Variants in TMEM132D observed in about 807,000 individuals in gnomAD.
TMEM132D encodes transmembrane protein 132D.
A neutral mutation model predicts 62.3 loss-of-function variants in TMEM132D; 21 were observed. That is an observed-to-expected ratio of 0.34 (90% CI 0.24 to 0.49). The LOEUF (loss-of-function observed/expected upper bound fraction) is 0.49. TMEM132D is among the 20% of genes least tolerant of loss of function. The probability of loss-of-function intolerance (pLI) is 0.99; values close to 1 mark genes in which losing one functional copy is unlikely to be tolerated. For missense variants in TMEM132D, 1,346 were observed against 1,402.8 expected, an observed-to-expected ratio of 0.96 and a Z score of 0.65; for synonymous variants, 621 against 575.6, an observed-to-expected ratio of 1.08 and a Z score of -1.13.
At chr12:129,311,548 A>C (rs1268862277) in intron 4 of TMEM132D, among the ~76,000 whole-genome samples, 4 of 152,322 alleles carry the variant, frequency 2.6e-5, no homozygotes. Flanking sequence ...AAAAAATTAG[A>C]ATCGAGTGCA....
intron 2 of TMEM132D, among the ~76,000 whole-genome samples, chr12:129,568,124 A>G (rs1877417981): frequency 6.6e-6 from 1 of 152,226 alleles, no homozygotes; most frequent in African/African-American, 2.4e-5. Flanking sequence ...GGTGGCAGGA[A>G]CAGTCTGAGG....
rs146582102 is a variant in TMEM132D, at chr12:129,817,868, ATGTG to A, written c.79+85389_79+85392del. Among the ~76,000 whole-genome samples, 7 of 113,060 alleles carry A rather than the reference ATGTG, an allele frequency of 6.2e-5. No individual in the cohort carries two copies. The East Asian group carries it at 1.8e-3, about 29-fold the overall frequency. The allele number at this position is 113,060 out of a possible 152,430, so 74.2% of individuals were successfully genotyped here. On this transcript the variant is annotated intron_variant, in intron 1 of 8. Transcript: ENST00000422113. ...TGTGTGTGTATGTGGTGTGAGGTGT[ATGTG>A]TGTGTGTGTGGTGTGGGGGTTTGTG...
chr12:129,390,801 T>C (rs912821369), intron 3 of TMEM132D, among the ~76,000 whole-genome samples: 8 of 152,168 alleles, frequency 5.3e-5, no homozygotes, highest in African/African-American at 1.9e-4. Flanking sequence ...AGAGGAGGCC[T>C]CAGGAGTGAG....
intron 3 of TMEM132D, among the ~76,000 whole-genome samples, chr12:129,456,996 T>A (rs1167952347): frequency 1.3e-5 from 2 of 152,166 alleles, no homozygotes; most frequent in South Asian, 2.1e-4. Flanking sequence ...TTGGTGGGAC[T>A]GTAAACTAGT....
intron 2 of TMEM132D, among the ~76,000 whole-genome samples, chr12:129,571,090 C>A (rs1565907545): frequency 6.6e-6 from 1 of 152,154 alleles, no homozygotes; most frequent in South Asian, 2.1e-4. Flanking sequence ...CTGAATGTAG[C>A]CATACGTTAG....
chr12:129,304,948 G>A (rs543851336), intron 4 of TMEM132D, among the ~76,000 whole-genome samples: 85 of 152,288 alleles, frequency 5.6e-4, no homozygotes, highest in Non-Finnish European at 1.0e-3. Context: ...ACAGGCATGA[G>A]CCACTGCGCC....
intron 4 of TMEM132D, among the ~76,000 whole-genome samples, chr12:129,281,770 C>T (rs1429123476): frequency 2.6e-5 from 4 of 152,172 alleles, no homozygotes; most frequent in Admixed American, 2.0e-4. Context: ...AAAGCCAAGA[C>T]CTGCCTTTGG....
rs549330272 is a variant in TMEM132D, at chr12:129,283,722, G to A, written c.1299+53912C>T. On this transcript the variant is annotated intron_variant, in intron 4 of 8. Transcript: ENST00000422113. ...TCCTATACTCCAACACTCTCAGGCC[G>A]ATACACAAGATGAGAATGTCCACTG... Among the ~76,000 whole-genome samples, 72 of 152,296 alleles carry A rather than the reference G, an allele frequency of 4.7e-4. 1 individual carries two copies. The highest frequency in any genetic ancestry group is 4.6e-3 in the East Asian group (24 of 5,176).
intron 5 of TMEM132D, among the ~76,000 whole-genome samples, chr12:129,141,281 T>G (rs780932132): frequency 6.6e-6 from 1 of 152,206 alleles, no homozygotes; most frequent in Non-Finnish European, 1.5e-5. Context: ...GCACTTTTTA[T>G]GTCAGGCCCT....
intron 1 of TMEM132D, among the ~76,000 whole-genome samples, chr12:129,756,572 G>A (rs1870176750): frequency 6.6e-6 from 1 of 152,182 alleles, no homozygotes; most frequent in South Asian, 2.1e-4. Flanking sequence ...TGCAGCTTCG[G>A]AGGATGCAAG....
chr12:129,872,771 G>A (rs1182164351), intron 1 of TMEM132D, among the ~76,000 whole-genome samples: 7 of 152,136 alleles, frequency 4.6e-5, no homozygotes, highest in South Asian at 2.1e-4. Flanking sequence ...GATGTTGACC[G>A]TCCATGCGTG....
chr12:129,901,438 T>G (rs1189225327), intron 1 of TMEM132D, among the ~76,000 whole-genome samples: 1 of 152,232 alleles, frequency 6.6e-6, no homozygotes, highest in Non-Finnish European at 1.5e-5. Context: ...ATCTACCATG[T>G]GCTCAGACTC....
chr12:129,668,752 C>T (rs535699611), intron 2 of TMEM132D, among the ~76,000 whole-genome samples: 12 of 152,266 alleles, frequency 7.9e-5, no homozygotes, highest in African/African-American at 1.9e-4. Context: ...TAATTGCATA[C>T]GTGCAATAAG....
chr12:129,279,765 A>C (rs1288894403), intron 4 of TMEM132D, among the ~76,000 whole-genome samples: 2 of 152,168 alleles, frequency 1.3e-5, no homozygotes, highest in Non-Finnish European at 1.5e-5. Context: ...AACTTAGAAA[A>C]ATCAAGAACA....
At chr12:129,090,260 G>A (rs2135627040) in intron 5 of TMEM132D, among the ~76,000 whole-genome samples, 1 of 152,226 alleles carries the variant, frequency 6.6e-6, no homozygotes, top group Non-Finnish European at 1.5e-5. Context: ...CTGTGGCCTG[G>A]CCACAGTTCT....
chr12:129,450,383 G>C (rs541063790), intron 3 of TMEM132D, among the ~76,000 whole-genome samples: 25 of 152,128 alleles, frequency 1.6e-4, no homozygotes, highest in African/African-American at 5.1e-4. Context: ...TTTTTGTACA[G>C]TCTGTATAAC....
At chr12:129,747,219 G>GCTCCTTATCCCT (rs1869823419) in intron 1 of TMEM132D, among the ~76,000 whole-genome samples, 1 of 10,338 alleles carries the variant, frequency 9.7e-5, no homozygotes, top group African/African-American at 2.9e-4. Context: ...CCTCCTTCCA[G>GCTCCTTATCCCT]CCACCCTGTC....
chr12:129,831,749 G>A (rs967566389), intron 1 of TMEM132D, among the ~76,000 whole-genome samples: 9 of 151,918 alleles, frequency 5.9e-5, no homozygotes, highest in African/African-American at 2.2e-4. Context: ...GAAAAACTGA[G>A]CAAGCCATTA....
chr12:129,861,512 A>G (rs1484526044), intron 1 of TMEM132D, among the ~76,000 whole-genome samples: 1 of 152,148 alleles, frequency 6.6e-6, no homozygotes, highest in Non-Finnish European at 1.5e-5. Context: ...TGTAATCCCA[A>G]CAATTTGGGA....
Sources: gnomAD v4.1 joint callset for allele counts (sites outside exome capture counted in the v4.1 genomes callset) on GRCh38, gnomAD v4.1.1 for gene constraint, MANE v1.5 for transcripts, NCBI Gene and HGNC (gene_info 2026-07-23, HGNC 2026-07-21) for gene names.